SLC24A2: variants seen among roughly 807,000 people sequenced by gnomAD.
SLC24A2 encodes sodium/potassium/calcium exchanger 2.
SLC24A2 carries 36 observed loss-of-function variants against 62.0 expected under a neutral mutation model. The observed-to-expected ratio is 0.58, with a 90% CI of 0.44 to 0.77. SLC24A2 has a LOEUF of 0.77. Among genes scored for constraint, SLC24A2 ranks in the 30% least tolerant of loss-of-function variants. The pLI is 0.00. For synonymous variants in SLC24A2, 358 were observed against 294.0 expected (o/e 1.22, Z -2.23); for missense variants, 846 against 817.9 (o/e 1.03, Z -0.42).
At chr9:19,660,914 A>T (rs1174193166) in intron 2 of SLC24A2, among the ~76,000 whole-genome samples, 21 of 152,086 alleles carry the variant, frequency 1.4e-4, no homozygotes, top group Admixed American at 1.4e-3. Flanking sequence ...AGGTTTTGTA[A>T]TTTTTTTAAG....
At chr9:20,073,230 T>A in the SLC24A2 span, among the ~76,000 whole-genome samples, 161 of 152,306 alleles carry the variant, frequency 1.1e-3, 1 homozygote, top group South Asian at 8.3e-3. Flanking sequence ...GCCATACTTA[T>A]TAGCAGATTG....
At chr9:19,771,472 ATAG>A (rs1420967494) in intron 2 of SLC24A2, among the ~76,000 whole-genome samples, 1 of 152,202 alleles carries the variant, frequency 6.6e-6, no homozygotes, top group Admixed American at 6.5e-5. Context: ...GCAGCAGAAA[ATAG>A]TAGATTTGTA....
At chr9:19,922,168 T>A in the SLC24A2 span, among the ~76,000 whole-genome samples, 2 of 152,198 alleles carry the variant, frequency 1.3e-5, no homozygotes, top group African/African-American at 4.8e-5. Context: ...GCCTAAAGAT[T>A]CTGAAAGTGG....
chr9:20,217,719 C>T, the SLC24A2 span, among the ~76,000 whole-genome samples: 18 of 152,200 alleles, frequency 1.2e-4, no homozygotes. Flanking sequence ...CACTATACTA[C>T]TGCTTTCCAG....
At chr9:19,659,186 G>A (rs1819023063) in intron 2 of SLC24A2, among the ~76,000 whole-genome samples, 1 of 152,114 alleles carries the variant, frequency 6.6e-6, no homozygotes, top group African/African-American at 2.4e-5. Context: ...AATGAAGGCA[G>A]AGATTCCAAT....
At chr9:20,124,093 A>C in the SLC24A2 span, among the ~76,000 whole-genome samples, 1 of 152,198 alleles carries the variant, frequency 6.6e-6, no homozygotes, top group East Asian at 1.9e-4. Flanking sequence ...CTTTCTATTC[A>C]TCCTTGATAC....
At chr9:19,977,259 G>T in the SLC24A2 span, among the ~76,000 whole-genome samples, 7 of 151,990 alleles carry the variant, frequency 4.6e-5, no homozygotes, top group African/African-American at 1.7e-4. Context: ...CTGCTATGTT[G>T]TATGTTTGAA....
chr9:20,067,664 G>C, the SLC24A2 span, among the ~76,000 whole-genome samples: 1 of 152,016 alleles, frequency 6.6e-6, no homozygotes, highest in East Asian at 1.9e-4. Context: ...GCATTAATTC[G>C]GTCAGGTTTA....
the SLC24A2 span, among the ~76,000 whole-genome samples, chr9:20,191,634 T>C: frequency 6.6e-6 from 1 of 151,416 alleles, no homozygotes; most frequent in South Asian, 2.1e-4. Context: ...AAGAGAATGT[T>C]CAGTGTGGCC....
chr9:20,188,449 G>C, the SLC24A2 span, among the ~76,000 whole-genome samples: 2 of 152,216 alleles, frequency 1.3e-5, no homozygotes, highest in Admixed American at 1.3e-4. Context: ...ATGAGAGCAA[G>C]AGTAGTGTGG....
At chr9:20,180,674 A>G in the SLC24A2 span, among the ~76,000 whole-genome samples, 2 of 152,314 alleles carry the variant, frequency 1.3e-5, no homozygotes, top group Non-Finnish European at 1.5e-5. Flanking sequence ...AGACTTGGGC[A>G]TAAGTTTTGC....
At chr9:20,088,235 G>A in the SLC24A2 span, among the ~76,000 whole-genome samples, 176 of 152,352 alleles carry the variant, frequency 1.2e-3, 2 homozygotes, top group African/African-American at 4.0e-3. Flanking sequence ...CACAGGATAA[G>A]ATCCACTGGC....
intron 2 of SLC24A2, among the ~76,000 whole-genome samples, chr9:19,634,281 C>CTTTTTTTTTTTTTTTTTTT (rs35884916): frequency 1.3e-5 from 1 of 79,296 alleles, no homozygotes. Flanking sequence ...ACTGCAGCCT[C>CTTTTTTTTTTTTTTTTTTT]TTTTTTTTTT....
At chr9:20,186,220 G>C in the SLC24A2 span, among the ~76,000 whole-genome samples, 1 of 152,206 alleles carries the variant, frequency 6.6e-6, no homozygotes, top group South Asian at 2.1e-4. Context: ...TGTCCACCTT[G>C]TTTCTGAGGC....
At chr9:19,793,477 T>A (rs1291661036), upstream of SLC24A2, among the ~76,000 whole-genome samples, 1 of 152,228 alleles carries the variant, frequency 6.6e-6, no homozygotes, top group African/African-American at 2.4e-5. Flanking sequence ...TTGCATTGTG[T>A]GCTTCAGAGA....
chr9:19,632,318 T>C lies in SLC24A2; in HGVS notation c.931-10019A>G, dbSNP rs571772193. 3.0e-4 allele frequency among the ~76,000 whole-genome samples: 45 copies of C among 152,290 alleles called. No homozygotes were observed. The highest frequency in any genetic ancestry group is 1.0e-3 in the African/African-American group (42 of 41,556). ...TCCCTCTTGCTCCATTTGCCAAATATCCTCCTTCACGGCATTTAAAAAATC... is the reference window on the plus strand; with the variant it reads ...TCCCTCTTGCTCCATTTGCCAAATACCCTCCTTCACGGCATTTAAAAAATC... On this transcript the variant is annotated intron_variant, in intron 2 of 10. Transcript: ENST00000341998. The surrounding 1 kb of genome is among the most constrained non-coding windows in gnomAD (Gnocchi z 4.5).
chr9:20,227,260 G>C, the SLC24A2 span, among the ~76,000 whole-genome samples: 2 of 152,068 alleles, frequency 1.3e-5, no homozygotes, highest in African/African-American at 2.4e-5. Context: ...ACTATGGTTT[G>C]CCAATGAAAA....
chr9:19,917,342 T>C, the SLC24A2 span, among the ~76,000 whole-genome samples: 3 of 141,130 alleles, frequency 2.1e-5, no homozygotes, highest in African/African-American at 7.4e-5. Flanking sequence ...TCTTGAGTTT[T>C]CTTTTTGTGT....
At chr9:19,636,310 TTTTCTTTTCTTTCTTTCTTTC>T (rs1818324345) in intron 2 of SLC24A2, among the ~76,000 whole-genome samples, 6 of 34,178 alleles carry the variant, frequency 1.8e-4, no homozygotes, top group African/African-American at 6.3e-4. Context: ...TTTTCTTTTC[TTTTCTTTTCTTTCTTTCTTTC>T]TTTCTTTCTT....
Sources: allele counts gnomAD v4.1 joint callset (sites outside exome capture counted in the v4.1 genomes callset), GRCh38; gene constraint gnomAD v4.1.1; non-coding constraint Gnocchi (gnomAD v3.1); transcripts MANE v1.5; gene names NCBI Gene and HGNC (gene_info 2026-07-23, HGNC 2026-07-21).